Variants in SHISAL1 observed in about 807,000 individuals in gnomAD.
SHISAL1 encodes protein shisa-like-1.
A neutral mutation model predicts 22.6 loss-of-function variants in SHISAL1; 9 were observed. The ratio of observed to expected loss-of-function variants is 0.40; its 90% CI spans 0.24 to 0.70. The LOEUF is 0.70. SHISAL1 is among the 30% of genes least tolerant of loss of function. SHISAL1 has a pLI of 0.39. For missense variants in SHISAL1, 246 were observed against 270.6 expected (o/e 0.91, Z 0.64); for synonymous variants, 119 against 115.4 (o/e 1.03, Z -0.20).
intron 1 of SHISAL1, among the ~76,000 whole-genome samples, chr22:44,302,628 C>T (rs1346216947): frequency 1.3e-5 from 2 of 151,780 alleles, no homozygotes; most frequent in Non-Finnish European, 2.9e-5. Context: ...GGGGCAAAGG[C>T]CCTGGGGTGG....
At chr22:44,295,847 T>C (rs368018940) in intron 3 of SHISAL1, among the ~76,000 whole-genome samples, 2 of 152,230 alleles carry the variant, frequency 1.3e-5, no homozygotes, top group Non-Finnish European at 2.9e-5. Context: ...ACTCCATGAC[T>C]CTACTTAGCG....
intron 3 of SHISAL1, among the ~76,000 whole-genome samples, chr22:44,291,997 C>A (rs2055355882): frequency 1.3e-5 from 2 of 152,350 alleles, no homozygotes; most frequent in South Asian, 4.1e-4. Context: ...TGGAAGCGGG[C>A]ATCTCGCCGT....
intron 4 of SHISAL1, among the ~76,000 whole-genome samples, chr22:44,253,543 C>T (rs1283778276): frequency 6.6e-6 from 1 of 151,416 alleles, no homozygotes; most frequent in Admixed American, 6.6e-5. Flanking sequence ...TTTCTCCTGC[C>T]TCAGCCTCCT....
chr22:44,298,446 C>T (rs2055402720), intron 2 of SHISAL1, among the ~76,000 whole-genome samples: 1 of 152,134 alleles, frequency 6.6e-6, no homozygotes, highest in South Asian at 2.1e-4. Context: ...GCAAGCCCTC[C>T]AGGGGATGCT....
chr22:44,277,792 C>T (rs2055250131), intron 4 of SHISAL1, among the ~76,000 whole-genome samples: 1 of 152,236 alleles, frequency 6.6e-6, no homozygotes, highest in East Asian at 1.9e-4. Flanking sequence ...ACAATTAGCA[C>T]AGCCATTGCA....
At chr22:44,295,129 A>G (rs141797587) in intron 3 of SHISAL1, among the ~76,000 whole-genome samples, 1 of 152,320 alleles carries the variant, frequency 6.6e-6, no homozygotes, top group Non-Finnish European at 1.5e-5. Flanking sequence ...GCCCATTAAG[A>G]TATTAAAACA....
intron 4 of SHISAL1, among the ~76,000 whole-genome samples, chr22:44,267,115 C>T (rs1004497695): frequency 1.3e-5 from 2 of 152,010 alleles, no homozygotes; most frequent in African/African-American, 2.4e-5. Context: ...ATCGCAGGAG[C>T]GACAGGCAGA....
chr22:44,331,165 C>T, the SHISAL1 span, among the ~76,000 whole-genome samples: 1 of 152,068 alleles, frequency 6.6e-6, no homozygotes, highest in East Asian at 1.9e-4. This position sits in a 1 kb window ranked among gnomAD's most constrained non-coding sequence, Gnocchi z 5.2. Context: ...TTCAGCGACC[C>T]CGACCTTGGT....
chr22:44,264,051 A>G (rs1049422444), intron 4 of SHISAL1, among the ~76,000 whole-genome samples: 3 of 152,204 alleles, frequency 2.0e-5, no homozygotes, highest in Non-Finnish European at 2.9e-5. Flanking sequence ...TTTCCTCAAA[A>G]GGTGATGGAG....
chr22:44,263,082 T>TCTTTC (rs1555925940), intron 4 of SHISAL1, among the ~76,000 whole-genome samples: 159 of 124,150 alleles, frequency 1.3e-3, no homozygotes, highest in African/African-American at 4.3e-3. Flanking sequence ...TTTCTTTCTT[T>TCTTTC]TTTTTTTTTT....
intron 3 of SHISAL1, among the ~76,000 whole-genome samples, chr22:44,293,508 C>G (rs1375048933): frequency 3.9e-5 from 6 of 152,156 alleles, no homozygotes; most frequent in Non-Finnish European, 8.8e-5. Context: ...TGGAGGGTGA[C>G]CTGGCCCCAG....
chr22:44,261,840 G>A (rs565749927), intron 4 of SHISAL1, among the ~76,000 whole-genome samples: 18 of 152,366 alleles, frequency 1.2e-4, no homozygotes. Context: ...GTCCTCCTAG[G>A]CACTCTGCAG....
intron 4 of SHISAL1, among the ~76,000 whole-genome samples, chr22:44,263,291 G>A (rs1489114382): frequency 3.9e-5 from 6 of 151,912 alleles, no homozygotes; most frequent in Admixed American, 2.0e-4. Context: ...GGCTGGTCTC[G>A]AACTCCTGAC....
chr22:44,264,836 C>A (rs2055150527), intron 4 of SHISAL1, among the ~76,000 whole-genome samples: 1 of 152,038 alleles, frequency 6.6e-6, no homozygotes, highest in African/African-American at 2.4e-5. Context: ...GTCCCCAACA[C>A]ACACACCAGA....
At position 44,257,399 on chromosome 22, in the gene SHISAL1, C is replaced by T. The variant is rs370404825; in HGVS notation, c.*-7714G>A. Among the ~76,000 whole-genome samples the T allele has an allele frequency of 2.0e-5, 3 of 152,190 alleles. No individual in the cohort carries two copies. The East Asian group carries it at 5.8e-4, about 29-fold the overall frequency. ...GGCTCAGACAGCTGTCCTCAGCCAC[C>T]TCCCATACCGTGCTTTCCTTCCCTG... On this transcript the variant is annotated intron_variant, in intron 4 of 4. Transcript: ENST00000381176.
At chr22:44,252,716 C>T (rs148193243) in intron 4 of SHISAL1, among the ~76,000 whole-genome samples, 2,859 of 151,918 alleles carry the variant, frequency 0.019, 32 homozygotes, top group Non-Finnish European at 0.028. Flanking sequence ...TGGGCAGGGC[C>T]GGGCGTGGTG....
the SHISAL1 span, among the ~76,000 whole-genome samples, chr22:44,328,425 G>A: frequency 6.6e-6 from 1 of 152,172 alleles, no homozygotes; most frequent in African/African-American, 2.4e-5. Context: ...CTGGCTCGGG[G>A]CAGGCCTTCG....
chr22:44,255,534 C>T (rs1254996348), intron 4 of SHISAL1, among the ~76,000 whole-genome samples: 2 of 152,184 alleles, frequency 1.3e-5, no homozygotes, highest in Non-Finnish European at 2.9e-5. Context: ...GACCTTCCTT[C>T]AGAATCTCAA....
In SHISAL1 at chr22:44,247,216, CT is replaced by C. The variant is rs1360024013; in HGVS notation, c.*2468del. The C allele has an allele frequency of 6.6e-6, 1 of 152,156 alleles. No individual in the cohort carries two copies. Among genetic ancestry groups the C allele is most frequent in the African/African-American group, 2.4e-5 (1 of 41,410 alleles). 9.4% of individuals were successfully genotyped at this position (152,156 alleles called of 1,614,324 possible). A position where few individuals can be genotyped will look rare whatever the true frequency, so the allele number is the denominator to read the frequency against. On this transcript the variant is annotated 3_prime_UTR_variant, in exon 5 of 5. Transcript: ENST00000381176. The stretch of plus-strand genomic sequence containing the variant: ...GACAGCAGGACACGAGGGTTGCAAA[CT>C]CCTTAAATACCCATCTGACTCCTTC...
Sources: allele counts gnomAD v4.1 joint callset (sites outside exome capture counted in the v4.1 genomes callset), GRCh38; gene constraint gnomAD v4.1.1; non-coding constraint Gnocchi (gnomAD v3.1); transcripts MANE v1.5; gene names NCBI Gene and HGNC (gene_info 2026-07-23, HGNC 2026-07-21).